Variants in SNAP47 observed in about 807,000 individuals in gnomAD.
The protein encoded by SNAP47 is synaptosome associated protein 47.
In SNAP47, 20 loss-of-function variants were observed where a neutral mutation model predicts 31.4. The ratio of observed to expected loss-of-function variants is 0.64; its 90% CI spans 0.45 to 0.93. The LOEUF is 0.93. Ranked by LOEUF, SNAP47 falls within the 40% of genes least tolerant of loss-of-function variation. The probability of loss-of-function intolerance (pLI) is 0.00; values close to 1 mark genes in which losing one functional copy is unlikely to be tolerated. For missense variants in SNAP47, 492 were observed against 528.5 expected (o/e 0.93, Z 0.68); for synonymous variants, 194 against 213.4 (o/e 0.91, Z 0.79).
At chr1:227,729,803 C>A (rs1470094487) in intron 1 of SNAP47, among the ~76,000 whole-genome samples, 1 of 152,304 alleles carries the variant, frequency 6.6e-6, no homozygotes, top group Non-Finnish European at 1.5e-5. Context: ...AAGCCCAGGG[C>A]AGGGCAGGCA....
intron 3 of SNAP47, 28 bp downstream of exon 3, chr1:227,759,513 G>A (rs573948890): frequency 1.3e-5 from 21 of 1,601,444 alleles, no homozygotes; most frequent in East Asian, 6.7e-5. Flanking sequence ...CAGTGAGCGC[G>A]TGCACAGACT....
chr1:227,733,957 T>C, upstream of SNAP47: 1 of 1,613,886 alleles, frequency 6.2e-7, no homozygotes, highest in Non-Finnish European at 8.5e-7. Context: ...CCACATCCAG[T>C]GCATCCCAGA....
chr1:227,779,580 T>C (rs1179374808), intron 4 of SNAP47, among the ~76,000 whole-genome samples: 3 of 152,232 alleles, frequency 2.0e-5, no homozygotes, highest in South Asian at 2.1e-4. Flanking sequence ...GAACTTTCCC[T>C]GAAAGAGGAC....
intron 1 of SNAP47, chr1:227,743,764 G>A (rs1292821362): frequency 6.6e-6 from 1 of 152,220 alleles, no homozygotes; most frequent in East Asian, 1.9e-4. Context: ...CTTGGAGTTG[G>A]GAGACGGGGT....
upstream of SNAP47, chr1:227,733,212 G>A: frequency 2.3e-6 from 2 of 857,060 alleles, no homozygotes; most frequent in African/African-American, 1.7e-5. Flanking sequence ...TCAGGCCACA[G>A]TGAACCCAGA....
intron 4 of SNAP47, among the ~76,000 whole-genome samples, chr1:227,769,037 T>C (rs143432833): frequency 9.9e-4 from 151 of 152,358 alleles, no homozygotes; most frequent in South Asian, 4.6e-3. Flanking sequence ...CATCAGACTC[T>C]CCTGTCACGT....
upstream of SNAP47, chr1:227,734,924 C>T (rs553006780): frequency 3.5e-5 from 54 of 1,525,648 alleles, no homozygotes; most frequent in Non-Finnish European, 4.3e-5. Context: ...CCTCACCCTC[C>T]CTGGTGCCCC....
intron 1 of SNAP47, chr1:227,736,502 GTTTTTTTTTTTTTTTTTTTTTTT>G (rs71180760): frequency 2.3e-5 from 1 of 44,370 alleles, no homozygotes; most frequent in South Asian, 1.1e-3. Flanking sequence ...GCCCAGAGCA[GTTTTTTTTTTTTTTTTTTTTTTT>G]TTTTTTTTTT....
In SNAP47 at chr1:227,759,437, G is replaced by T. The variant is rs200503677; in HGVS notation, c.940G>T (p.Ala314Ser). The change falls in exon 3 of 5, where the codon GCA becomes TCA. Residue 314 changes from alanine (A) to serine (S), a missense_variant. Ala to Ser is a moderately conservative substitution (Grantham distance 99). Transcript: ENST00000617596. ...AGAAGATGCATTGGTGCTCAGAAGCGCAAGAACCTCTTCCCCCGCAGAGAA... is the reference window on the plus strand; with the variant it reads ...AGAAGATGCATTGGTGCTCAGAAGCTCAAGAACCTCTTCCCCCGCAGAGAA... Reference protein sequence around the residue: ...LLEDALVLRSARTSSPAEKSC... With the variant: ...LLEDALVLRSSRTSSPAEKSC... 305 of 1,614,186 alleles carry T rather than the reference G, an allele frequency of 1.9e-4. 5 individuals carry two copies. The South Asian group carries it at 3.1e-3, about 16-fold the overall frequency.
chr1:227,732,401 C>T (rs773719940), upstream of SNAP47: 30 of 1,612,268 alleles, frequency 1.9e-5, no homozygotes, highest in Non-Finnish European at 2.4e-5. Context: ...GCTATGGGGC[C>T]GCAGCAGCAT....
In SNAP47 at chr1:227,768,167, C is replaced by T. The variant is rs570452361; in HGVS notation, c.1113+1084C>T. The T allele has an allele frequency of 2.6e-5, 14 of 548,042 alleles. No homozygotes were observed. The African/African-American group carries it at 2.7e-4, about 10-fold the overall frequency. The allele number at this position is 548,042 out of a possible 1,614,324, so 33.9% of individuals were successfully genotyped here. ...CAGGCAGTGCTCCCACCTTCTGAGC[C>T]CTTGCTGAAGGGTGTGTCCCACAGG... On this transcript the variant is annotated intron_variant, in intron 4 of 4. Coordinates refer to ENST00000617596, the MANE Select transcript of SNAP47 (RefSeq NM_053052.4).
At chr1:227,735,637 C>T in intron 1 of SNAP47, 138 bp downstream of exon 1, 5 of 1,322,818 alleles carry the variant, frequency 3.8e-6, no homozygotes, top group Non-Finnish European at 3.8e-6. Context: ...GGTATGCGGG[C>T]TGCGCTGGGA....
intron 4 of SNAP47, chr1:227,776,862 C>A (rs1174481010): frequency 3.0e-6 from 3 of 985,340 alleles, no homozygotes; most frequent in Non-Finnish European, 3.6e-6. Context: ...GGAATGAGTT[C>A]TCTTTTAAGG....
intron 4 of SNAP47, chr1:227,776,427 C>T (rs1572057422): frequency 1.0e-6 from 1 of 986,558 alleles, no homozygotes; most frequent in East Asian, 1.1e-4. Flanking sequence ...TTTCTTTACT[C>T]ATGTAGCAGG....
At chr1:227,757,627 C>A (rs1449583855) in intron 2 of SNAP47, among the ~76,000 whole-genome samples, 1 of 152,186 alleles carries the variant, frequency 6.6e-6, no homozygotes, top group African/African-American at 2.4e-5. Flanking sequence ...CTGAAGCCAA[C>A]GGCAGGTCTA....
chr1:227,735,057 T>C (rs1660988267), upstream of SNAP47: 3 of 1,557,988 alleles, frequency 1.9e-6, no homozygotes, highest in Non-Finnish European at 2.6e-6. Flanking sequence ...CCCGCGGGCG[T>C]CACCCAGCGC....
chr1:227,738,962 G>T (rs973946528), intron 1 of SNAP47, among the ~76,000 whole-genome samples: 3 of 152,212 alleles, frequency 2.0e-5, no homozygotes, highest in Non-Finnish European at 4.4e-5. Flanking sequence ...GAACTCTGTG[G>T]TTTAGTTCGC....
chr1:227,734,705 G>A, upstream of SNAP47: 3 of 1,614,118 alleles, frequency 1.9e-6, no homozygotes, highest in Non-Finnish European at 1.7e-6. Flanking sequence ...GGAGTAGCCC[G>A]CCTGTATGTA....
chr1:227,734,784 C>T (rs200460718), upstream of SNAP47: 2 of 1,614,068 alleles, frequency 1.2e-6, no homozygotes, highest in South Asian at 1.1e-5. Flanking sequence ...TATTCCTGGA[C>T]CCCACAGTTT....
Sources: gnomAD v4.1 joint callset for allele counts (sites outside exome capture counted in the v4.1 genomes callset) on GRCh38, gnomAD v4.1.1 for gene constraint, MANE v1.5 for transcripts, NCBI Gene and HGNC (gene_info 2026-07-23, HGNC 2026-07-21) for gene names.